Variants in PI3 observed in about 807,000 individuals in gnomAD.
PI3 encodes the protein elafin.
A neutral mutation model predicts 6.0 loss-of-function variants in PI3; 4 were observed. The observed-to-expected ratio is 0.67, with a 90% CI of 0.33 to 1.54. The LOEUF is 1.54. PI3 is among the 40% of genes most tolerant of loss of function. The pLI is 0.06. For synonymous variants in PI3, 58 were observed against 56.9 expected, an observed-to-expected ratio of 1.02 and a Z score of -0.09; for missense variants, 149 against 147.6, an observed-to-expected ratio of 1.01 and a Z score of -0.05.
chr20:45,174,936 G>A lies in PI3; in HGVS notation c.14G>A (p.Ser5Asn). The A allele has an allele frequency of 6.2e-7, 1 of 1,613,042 alleles. No individual in the cohort carries two copies. Among genetic ancestry groups the A allele is most frequent in the Non-Finnish European group, 8.5e-7 (1 of 1,179,296 alleles). ...CTTCCTGACACCATGAGGGCCAGCA[G>A]CTTCTTGATCGTGGTGGTGTTCCTC... MRAS[S>N]FLIVVVFLIA... Residue 5 changes from serine to asparagine, a missense_variant, in exon 1 of 3, where the codon AGC (serine) becomes AAC (asparagine). Ser to Asn is a conservative substitution (Grantham distance 46). Coordinates refer to ENST00000243924, the MANE Select transcript of PI3 (RefSeq NM_002638.4).
Position 45,176,378 on chromosome 20 carries a change from G to A in PI3, c.*10G>A, listed in dbSNP as rs561171159. The A allele has an allele frequency of 6.3e-5, 35 of 556,620 alleles. 2 individuals carry two copies. The highest frequency in any genetic ancestry group is 2.3e-4 in the African/African-American group (12 of 53,112). The allele number at this position is 556,620 out of a possible 1,614,324, so 34.5% of individuals were successfully genotyped here. ...ACTCTTCTCTTCCACAGAGGGAGCC[G>A]GTCCTTGCTGCACCTGTGCCGTCCC... On this transcript the variant is annotated 3_prime_UTR_variant, in exon 3 of 3. Coordinates refer to ENST00000243924, the MANE Select transcript of PI3 (RefSeq NM_002638.4).
At chr20:45,176,173 A>G (rs1383273266) in intron 2 of PI3, 37 bp downstream of exon 2, 2 of 1,607,102 alleles carry the variant, frequency 1.2e-6, no homozygotes, top group Non-Finnish European at 1.7e-6. Flanking sequence ...ACCCCTGAAG[A>G]CACAAAAGAA....
In PI3 at chr20:45,175,006, G is replaced by A. The variant is rs746485128; in HGVS notation, c.79+5G>A. On this transcript the variant is annotated splice_donor_5th_base_variant and intron_variant, in intron 1 of 2. Coordinates refer to ENST00000243924, the MANE Select transcript of PI3 (RefSeq NM_002638.4). ...TAGAGGCAGCTGTCACGGGAGGTGA[G>A]TGAACAGGTGACCTGCTGGGCTGGG... 2 of 1,609,198 alleles carry A rather than the reference G, an allele frequency of 1.2e-6. No individual in the cohort carries two copies. The highest frequency in any genetic ancestry group is 8.5e-7 in the Non-Finnish European group (1 of 1,176,748).
In PI3 at chr20:45,176,137, G is replaced by A. The variant is rs1982789549; in HGVS notation, c.*1+1G>A. 6.2e-7 allele frequency: 1 copy of A among 1,613,840 alleles called. No homozygotes were observed. Among genetic ancestry groups the A allele is most frequent in the African/African-American group, 1.3e-5 (1 of 74,898 alleles). On this transcript the variant is annotated splice_donor_variant, in intron 2 of 2. Transcript: ENST00000243924. LOFTEE classifies it low-confidence loss of function (3UTR_SPLICE). ...ATGGCCTGTTTCGTTCCCCAGTGAG[G>A]TGAGCACTAGCTGGAGAACGAGGAG...
intron 1 of PI3, among the ~76,000 whole-genome samples, chr20:45,175,331 G>A (rs1019246882): frequency 2.0e-5 from 3 of 152,148 alleles, no homozygotes; most frequent in Non-Finnish European, 2.9e-5. Context: ...ACAGTCCCCC[G>A]TTTCTCTGCC....
At position 45,175,770 on chromosome 20, in the gene PI3, C is replaced by A; in HGVS notation, c.80-91C>A. The stretch of plus-strand genomic sequence containing the variant: ...CATGGTTTGAGGATGCTGCAGTAAG[C>A]AGTGGATGGACCCAGACCCAGAGGA... On this transcript the variant is annotated intron_variant, in intron 1 of 2. Transcript: ENST00000243924. The A allele has an allele frequency of 3.8e-6, 5 of 1,319,242 alleles. No homozygotes were observed. The South Asian group carries it at 5.3e-5, about 14-fold the overall frequency. The allele number at this position is 1,319,242 out of a possible 1,614,324, so 81.7% of individuals were successfully genotyped here.
chr20:45,175,444 C>T (rs117579182), intron 1 of PI3, among the ~76,000 whole-genome samples: 124 of 152,266 alleles, frequency 8.1e-4, no homozygotes, highest in Non-Finnish European at 1.5e-3. Context: ...AAGGAGGGAA[C>T]CAAAAATGTA....
At chr20:45,175,288 T>C (rs990900845) in intron 1 of PI3, among the ~76,000 whole-genome samples, 3 of 152,180 alleles carry the variant, frequency 2.0e-5, no homozygotes, top group African/African-American at 7.2e-5. Flanking sequence ...AATAAAATAA[T>C]GAACTCCAGG....
chr20:45,176,293 G>T (rs1982793507), intron 2 of PI3, 77 bp from the exon 3 acceptor site: 5 of 662,440 alleles, frequency 7.5e-6, no homozygotes, highest in Admixed American at 2.8e-5. Context: ...GTGCCTAGAA[G>T]GATGATCTGT....
Position 45,174,999 on chromosome 20 carries a change from G to A in PI3, c.77G>A (p.Gly26Glu). Residue 26 changes from glycine to glutamate, a missense_variant and splice_region_variant, in exon 1 of 3, where the codon GGA becomes GAA. Transcript: ENST00000243924. ...CTGGTTCTAGAGGCAGCTGTCACGG[G>A]AGGTGAGTGAACAGGTGACCTGCTG... ...GTLVLEAAVTGVPVKGQDTVK... is the reference protein window; with the variant it reads ...GTLVLEAAVTEVPVKGQDTVK... 1 of 1,611,378 alleles carries A rather than the reference G, an allele frequency of 6.2e-7. No homozygotes were observed. The highest frequency in any genetic ancestry group is 1.7e-5 in the Admixed American group (1 of 59,872).
chr20:45,176,298 A>T, intron 2 of PI3, 72 bp from the exon 3 acceptor site: 1 of 651,360 alleles, frequency 1.5e-6, no homozygotes, highest in Admixed American at 2.9e-5. Flanking sequence ...TAGAAGGATG[A>T]TCTGTCTTCC....
Position 45,176,053 on chromosome 20 carries a change from G to T in PI3, c.272G>T (p.Arg91Leu). 1.2e-6 allele frequency: 2 copies of T among 1,614,102 alleles called. No individual in the cohort carries two copies. Among genetic ancestry groups the T allele is most frequent in the Non-Finnish European group, 1.7e-6 (2 of 1,180,004 alleles). ...IRCAMLNPPN[R>L]CLKDTDCPGI... ...TGCGCCATGTTGAATCCCCCTAACC[G>T]CTGCTTGAAAGATACTGACTGCCCA... is the stretch of plus-strand genomic sequence containing the variant. The change falls in exon 2 of 3, where the codon CGC (arginine) becomes CTC (leucine). Residue 91 changes from arginine to leucine, a missense_variant. Physicochemically the swap from Arg to Leu is moderately radical, Grantham distance 102. Coordinates refer to ENST00000243924, the MANE Select transcript of PI3 (RefSeq NM_002638.4).
At chr20:45,175,738 C>A (rs1982776623) in intron 1 of PI3, 123 bp from the exon 2 acceptor site, 4 of 1,015,000 alleles carry the variant, frequency 3.9e-6, no homozygotes, top group Non-Finnish European at 6.0e-6. Flanking sequence ...ACCTTCCCTA[C>A]TCAGGCCATG....
chr20:45,175,094 T>C, intron 1 of PI3, 93 bp downstream of exon 1: 1 of 797,022 alleles, frequency 1.3e-6, no homozygotes, highest in Non-Finnish European at 2.0e-6. Flanking sequence ...TCTGAAGCAG[T>C]AGGCAGCACT....
In PI3 at chr20:45,176,013, A is replaced by G. The variant is rs768305863; in HGVS notation, c.232A>G (p.Ile78Val). 3 of 1,614,156 alleles carry G rather than the reference A, an allele frequency of 1.9e-6. No individual in the cohort carries two copies. The highest frequency in any genetic ancestry group is 1.1e-5 in the South Asian group (1 of 91,072). Residue 78 changes from isoleucine to valine, a missense_variant, in exon 2 of 3, where the codon ATT becomes GTT. Coordinates refer to ENST00000243924, the MANE Select transcript of PI3 (RefSeq NM_002638.4). ...PVSTKPGSCP[I>V]ILIRCAMLNP... ...CTCCACTAAGCCTGGCTCCTGCCCCATTATCTTGATCCGGTGCGCCATGTT... is the reference window on the plus strand; with the variant it reads ...CTCCACTAAGCCTGGCTCCTGCCCCGTTATCTTGATCCGGTGCGCCATGTT...
Position 45,176,075 on chromosome 20 carries a change from C to G in PI3, c.294C>G (p.Cys98Trp). The part of the protein sequence containing the change: ...PPNRCLKDTD[C>W]PGIKKCCEGS... ...ACCGCTGCTTGAAAGATACTGACTG[C>G]CCAGGAATCAAGAAGTGCTGTGAAG... Residue 98 changes from cysteine to tryptophan, a missense_variant, in exon 2 of 3, where the codon TGC becomes TGG. Coordinates refer to ENST00000243924, the MANE Select transcript of PI3 (RefSeq NM_002638.4). The G allele has an allele frequency of 6.2e-7, 1 of 1,614,114 alleles. No individual in the cohort carries two copies. The highest frequency in any genetic ancestry group is 8.5e-7 in the Non-Finnish European group (1 of 1,180,004).
At position 45,176,167 on chromosome 20, in the gene PI3, C is replaced by T. The variant is rs1203406623; in HGVS notation, c.*1+31C>T. 9 of 1,609,384 alleles carry T rather than the reference C, an allele frequency of 5.6e-6. 1 individual carries two copies. The East Asian group carries it at 2.0e-4, about 36-fold the overall frequency. On this transcript the variant is annotated intron_variant, in intron 2 of 2. Transcript: ENST00000243924. ...CACTAGCTGGAGAACGAGGAGACCC[C>T]TGAAGACACAAAAGAAGGCTGAGCG...
chr20:45,175,072 A>T (rs1568817903), intron 1 of PI3, 71 bp downstream of exon 1: 1 of 1,169,060 alleles, frequency 8.6e-7, no homozygotes, highest in Non-Finnish European at 1.2e-6. Flanking sequence ...CTGGGCCAGG[A>T]CAGGGAGCAC....
At position 45,176,068 on chromosome 20, in the gene PI3, C is replaced by T; in HGVS notation, c.287C>T (p.Thr96Ile). Residue 96 changes from threonine to isoleucine, a missense_variant, in exon 2 of 3, where the codon ACT (threonine) becomes ATT (isoleucine). By Grantham distance (89) the Thr-to-Ile change is moderately conservative. Coordinates refer to ENST00000243924, the MANE Select transcript of PI3 (RefSeq NM_002638.4). ...CCCCCTAACCGCTGCTTGAAAGATA[C>T]TGACTGCCCAGGAATCAAGAAGTGC... ...LNPPNRCLKD[T>I]DCPGIKKCCE... The T allele has an allele frequency of 1.2e-6, 2 of 1,614,204 alleles. No homozygotes were observed. Among genetic ancestry groups the T allele is most frequent in the East Asian group, 2.2e-5 (1 of 44,876 alleles).
Sources: allele counts gnomAD v4.1 joint callset (sites outside exome capture counted in the v4.1 genomes callset), GRCh38; gene constraint gnomAD v4.1.1; transcripts MANE v1.5; gene names NCBI Gene and HGNC (gene_info 2026-07-23, HGNC 2026-07-21).